The following ADAMTS17 variants were observed in gnomAD, a reference collection of about 807,000 sequenced individuals.
The protein encoded by ADAMTS17 is A disintegrin and metalloproteinase with thrombospondin motifs 17.
Under a neutral mutation model 141.5 loss-of-function variants are expected in ADAMTS17, and 113 were observed. That is an observed-to-expected ratio of 0.80 (90% CI 0.69 to 0.93). The LOEUF (loss-of-function observed/expected upper bound fraction) is 0.93, where lower values mean the gene tolerates loss of function less well. ADAMTS17 is among the 40% of genes least tolerant of loss of function. The pLI is 0.00. For missense variants in ADAMTS17, 1,659 were observed against 1,517.9 expected, an observed-to-expected ratio of 1.09 and a Z score of -1.54; for synonymous variants, 768 against 630.6, an observed-to-expected ratio of 1.22 and a Z score of -3.27.
chr15:99,980,961 C>T (rs2060471693), intron 20 of ADAMTS17, among the ~76,000 whole-genome samples: 1 of 152,170 alleles, frequency 6.6e-6, no homozygotes, highest in East Asian at 1.9e-4. Context: ...CCCAGTGGAC[C>T]CCTCGTAGGC....
chr15:100,020,231 C>CT (rs1447648011), intron 18 of ADAMTS17, among the ~76,000 whole-genome samples: 3 of 152,192 alleles, frequency 2.0e-5, no homozygotes, highest in African/African-American at 7.2e-5. Flanking sequence ...ATTCCACCCC[C>CT]GCTGCTGCTC....
At chr15:100,268,565 C>T (rs1284301135) in intron 4 of ADAMTS17, among the ~76,000 whole-genome samples, 1 of 152,170 alleles carries the variant, frequency 6.6e-6, no homozygotes, top group Non-Finnish European at 1.5e-5. Context: ...CATCTTTTCA[C>T]ATGTTTGTTG....
At chr15:100,213,359 G>A (rs2141731000) in intron 7 of ADAMTS17, among the ~76,000 whole-genome samples, 1 of 152,122 alleles carries the variant, frequency 6.6e-6, no homozygotes, top group East Asian at 1.9e-4. Context: ...ATTTGTTGAT[G>A]GTGTTCTCCA....
chr15:100,320,731 G>A (rs558970735), intron 3 of ADAMTS17, among the ~76,000 whole-genome samples: 1 of 152,292 alleles, frequency 6.6e-6, no homozygotes, highest in Admixed American at 6.5e-5. Flanking sequence ...TACTCGAAAG[G>A]TTAAGGTAGG....
chr15:100,032,616 A>T (rs546036507), intron 18 of ADAMTS17, among the ~76,000 whole-genome samples: 1 of 152,144 alleles, frequency 6.6e-6, no homozygotes, highest in Non-Finnish European at 1.5e-5. Context: ...CCGCTTTTGG[A>T]TATCAATTTA....
chr15:100,320,701 C>T lies in ADAMTS17; in HGVS notation c.616+10188G>A, dbSNP rs769852839. 5.9e-5 allele frequency among the ~76,000 whole-genome samples: 9 copies of T among 152,156 alleles called. No homozygotes were observed. In the South Asian group the frequency reaches 8.3e-4, roughly 14 times the overall value. ...ACTAAAAATTAGCCGGGTGTGGTGG[C>T]GCATGCCTGTAGTCCCAGCTACTCG... On this transcript the variant is annotated intron_variant, in intron 3 of 21. Coordinates refer to ENST00000268070, the MANE Select transcript of ADAMTS17 (RefSeq NM_139057.4).
chr15:100,067,655 C>T (rs563260047), intron 15 of ADAMTS17, among the ~76,000 whole-genome samples: 5 of 152,106 alleles, frequency 3.3e-5, no homozygotes, highest in African/African-American at 1.2e-4. Flanking sequence ...CTTTTATTTA[C>T]CCTGCTTGGA....
At chr15:99,982,859 T>C (rs771785518) in intron 20 of ADAMTS17, among the ~76,000 whole-genome samples, 10 of 152,174 alleles carry the variant, frequency 6.6e-5, no homozygotes, top group Non-Finnish European at 1.3e-4. Flanking sequence ...CGGAGCTGGC[T>C]GCCCGGTGGA....
At chr15:100,016,423 G>T (rs2061290287) in intron 18 of ADAMTS17, among the ~76,000 whole-genome samples, 1 of 151,978 alleles carries the variant, frequency 6.6e-6, no homozygotes, top group South Asian at 2.1e-4. Context: ...GAGTTTTTTG[G>T]GGGTACTAAA....
At chr15:99,991,605 A>T (rs371898797) in intron 20 of ADAMTS17, among the ~76,000 whole-genome samples, 1 of 152,256 alleles carries the variant, frequency 6.6e-6, no homozygotes, top group African/African-American at 2.4e-5. Context: ...ATTGTGAAAG[A>T]CAGTGTGGCG....
intron 7 of ADAMTS17, among the ~76,000 whole-genome samples, chr15:100,211,981 G>T (rs540834684): frequency 6.6e-6 from 1 of 152,008 alleles, no homozygotes; most frequent in African/African-American, 2.4e-5. Flanking sequence ...GTTATATCCT[G>T]GGAAGTGGCA....
chr15:100,012,780 A>G (rs1254741730), intron 18 of ADAMTS17, among the ~76,000 whole-genome samples: 2 of 152,318 alleles, frequency 1.3e-5, no homozygotes, highest in East Asian at 3.9e-4. Flanking sequence ...TGTTTTGGTG[A>G]CTACGGCCTT....
At chr15:100,173,931 T>C (rs1177752300) in intron 8 of ADAMTS17, among the ~76,000 whole-genome samples, 1 of 152,204 alleles carries the variant, frequency 6.6e-6, no homozygotes, top group Non-Finnish European at 1.5e-5. Context: ...AAACAGGCTG[T>C]CTGTGAATAG....
rs2060266959 is a variant in ADAMTS17, at chr15:99,974,009, C to G, written c.*393G>C. On this transcript the variant is annotated 3_prime_UTR_variant, in exon 22 of 22. Coordinates refer to ENST00000268070, the MANE Select transcript of ADAMTS17 (RefSeq NM_139057.4). Reference sequence around the variant, plus strand: ...GCTTTCAGAATAAAGCCTTTTCTAGCATGTCTCGTTTTGGGGATGTTTCCT... The same window carrying G: ...GCTTTCAGAATAAAGCCTTTTCTAGGATGTCTCGTTTTGGGGATGTTTCCT... The G allele has an allele frequency of 6.4e-6, 1 of 156,668 alleles. No homozygotes were observed. Among genetic ancestry groups the G allele is most frequent in the Non-Finnish European group, 1.2e-5 (1 of 80,252 alleles). 9.7% of individuals were successfully genotyped at this position (156,668 alleles called of 1,614,324 possible). A position where few individuals can be genotyped will look rare whatever the true frequency, so the allele number is the denominator to read the frequency against.
chr15:100,193,645 C>G (rs3925732), intron 8 of ADAMTS17, among the ~76,000 whole-genome samples: 34,818 of 151,996 alleles, frequency 0.23, 4,657 homozygotes, highest in African/African-American at 0.36. Context: ...CAGTGGGTGA[C>G]GCTGGGCCAC....
chr15:100,059,518 C>G (rs114603802), intron 15 of ADAMTS17, among the ~76,000 whole-genome samples: 1,758 of 152,266 alleles, frequency 0.012, 34 homozygotes, highest in African/African-American at 0.04. Context: ...TGCAATTTGC[C>G]GTGGTCCATC....
chr15:100,097,221 T>C (rs7163094), intron 14 of ADAMTS17, among the ~76,000 whole-genome samples: 9,493 of 152,296 alleles, frequency 0.062, 996 homozygotes, highest in African/African-American at 0.21. Context: ...AAATTTATAC[T>C]GAACATTGGG....
At chr15:100,067,232 C>G (rs2033604697) in intron 15 of ADAMTS17, among the ~76,000 whole-genome samples, 1 of 151,666 alleles carries the variant, frequency 6.6e-6, no homozygotes, top group African/African-American at 2.4e-5. Context: ...AGGCAGCCAT[C>G]ATTCTAAGTG....
In ADAMTS17 at chr15:100,058,288, T is replaced by C. The variant is rs866265776; in HGVS notation, c.2138-4234A>G. On this transcript the variant is annotated intron_variant, in intron 15 of 21. Transcript: ENST00000268070. ...GACACCCCTATCCCGGCTCTAACCC[T>C]CCTATCCCGGCTCTAACACCCCTAT... Among the ~76,000 whole-genome samples, 546 of 67,564 alleles carry C rather than the reference T, an allele frequency of 8.1e-3. 2 individuals are homozygous for C. Among genetic ancestry groups the C allele is most frequent in the African/African-American group, 0.014 (190 of 13,770 alleles). 44.3% of individuals were successfully genotyped at this position (67,564 alleles called of 152,430 possible). A position where few individuals can be genotyped will look rare whatever the true frequency, so the allele number is the denominator to read the frequency against.
Sources: gnomAD v4.1 joint callset for allele counts (sites outside exome capture counted in the v4.1 genomes callset) on GRCh38, gnomAD v4.1.1 for gene constraint, MANE v1.5 for transcripts, NCBI Gene and HGNC (gene_info 2026-07-23, HGNC 2026-07-21) for gene names.